EPM2A: variants seen among roughly 807,000 people sequenced by gnomAD.
The protein encoded by EPM2A is laforin.
A neutral mutation model predicts 26.5 loss-of-function variants in EPM2A; 21 were observed. The ratio of observed to expected loss-of-function variants is 0.79; its 90% CI spans 0.56 to 1.14. The LOEUF is 1.14. Ranked by LOEUF, EPM2A falls within the 50% of genes most tolerant of loss-of-function variation. The probability of loss-of-function intolerance (pLI) is 0.00; values close to 1 mark genes in which losing one functional copy is unlikely to be tolerated. For synonymous variants in EPM2A, 217 were observed against 177.6 expected (o/e 1.22, Z -1.76); for missense variants, 458 against 440.8 (o/e 1.04, Z -0.35).
intron 3 of EPM2A, 135 bp from the exon 4 acceptor site, chr6:145,627,828 TGCATTGTG>T: frequency 7.7e-7 from 1 of 1,304,508 alleles, no homozygotes; most frequent in Admixed American, 2.3e-5. Context: ...GCTTTCTTTC[TGCATTGTG>T]AAGGAAAAAG....
At chr6:145,485,186 A>G (rs1489077362) in intron 4 of EPM2A, among the ~76,000 whole-genome samples, 1 of 151,924 alleles carries the variant, frequency 6.6e-6, no homozygotes, top group Non-Finnish European at 1.5e-5. Context: ...TAAAATTGCA[A>G]TAGAAAAATG....
At chr6:145,399,705 G>T (rs1483419226) in intron 4 of EPM2A, among the ~76,000 whole-genome samples, 1 of 152,152 alleles carries the variant, frequency 6.6e-6, no homozygotes, top group Non-Finnish European at 1.5e-5. Context: ...CAAACAAGAA[G>T]GATTCTGTAC....
At chr6:145,470,738 C>A (rs963734679) in intron 4 of EPM2A, among the ~76,000 whole-genome samples, 26 of 152,126 alleles carry the variant, frequency 1.7e-4, no homozygotes, top group Non-Finnish European at 3.5e-4. Flanking sequence ...ACACTTTATG[C>A]ACAAAAGGAA....
At chr6:145,561,611 C>A (rs556354925) in intron 2 of EPM2A, among the ~76,000 whole-genome samples, 2 of 152,252 alleles carry the variant, frequency 1.3e-5, no homozygotes, top group East Asian at 3.9e-4. Flanking sequence ...CAACCCCTAA[C>A]AATAGGCCCA....
intron 2 of EPM2A, among the ~76,000 whole-genome samples, chr6:145,617,334 C>G (rs1357409632): frequency 1.3e-5 from 2 of 152,160 alleles, no homozygotes; most frequent in African/African-American, 4.8e-5. Flanking sequence ...AACTGTAAGT[C>G]CATTAAATCC....
intron 2 of EPM2A, among the ~76,000 whole-genome samples, chr6:145,506,303 A>G (rs1779973073): frequency 6.6e-6 from 1 of 152,182 alleles, no homozygotes. Flanking sequence ...TTTGCAAAGA[A>G]TTTGCAATAA....
At chr6:145,435,742 T>G (rs1234059804) in intron 4 of EPM2A, among the ~76,000 whole-genome samples, 1 of 152,130 alleles carries the variant, frequency 6.6e-6, no homozygotes, top group Non-Finnish European at 1.5e-5. Context: ...CACACAATTT[T>G]TTTTTGTATC....
At chr6:145,412,269 C>T (rs1014455522) in intron 4 of EPM2A, among the ~76,000 whole-genome samples, 3 of 150,118 alleles carry the variant, frequency 2.0e-5, no homozygotes, top group Admixed American at 1.3e-4. Flanking sequence ...CATACATACA[C>T]ATTTAGATTA....
At chr6:145,403,920 G>A (rs900154515) in intron 4 of EPM2A, among the ~76,000 whole-genome samples, 25 of 152,048 alleles carry the variant, frequency 1.6e-4, no homozygotes, top group African/African-American at 5.6e-4. Flanking sequence ...ATCCTTGTCA[G>A]CATTCATTAT....
At chr6:145,467,040 G>A (rs1173452644) in intron 4 of EPM2A, among the ~76,000 whole-genome samples, 1 of 152,120 alleles carries the variant, frequency 6.6e-6, no homozygotes, top group Non-Finnish European at 1.5e-5. Flanking sequence ...TATACCTAAT[G>A]CTAGATGACG....
At chr6:145,600,791 C>T (rs552643361) in intron 2 of EPM2A, among the ~76,000 whole-genome samples, 1 of 152,198 alleles carries the variant, frequency 6.6e-6, no homozygotes, top group African/African-American at 2.4e-5. Flanking sequence ...ATCCTGACAA[C>T]CTAGAGGGCC....
At chr6:145,685,130 C>T (rs1490337361) in intron 2 of EPM2A, among the ~76,000 whole-genome samples, 2 of 152,108 alleles carry the variant, frequency 1.3e-5, no homozygotes, top group Admixed American at 1.3e-4. Flanking sequence ...TTGGCAATTG[C>T]TTTCAAATTT....
At chr6:145,688,149 T>G (rs1170990455) in intron 1 of EPM2A, among the ~76,000 whole-genome samples, 2 of 152,182 alleles carry the variant, frequency 1.3e-5, no homozygotes, top group African/African-American at 4.8e-5. Context: ...ATTTGAAATA[T>G]TCTAAGCAGG....
intron 2 of EPM2A, among the ~76,000 whole-genome samples, chr6:145,507,857 AG>A (rs1429632386): frequency 2.0e-5 from 3 of 152,148 alleles, no homozygotes; most frequent in African/African-American, 7.2e-5. Context: ...ACTTACAGCC[AG>A]GGACAGCTTT....
At chr6:145,703,436 C>T (rs1433244684) in intron 1 of EPM2A, among the ~76,000 whole-genome samples, 1 of 152,030 alleles carries the variant, frequency 6.6e-6, no homozygotes, top group East Asian at 1.9e-4. Context: ...TTCCTGAAAA[C>T]AGCAAAGATT....
At chr6:145,413,696 C>T (rs1778672353) in intron 4 of EPM2A, among the ~76,000 whole-genome samples, 1 of 152,164 alleles carries the variant, frequency 6.6e-6, no homozygotes, top group South Asian at 2.1e-4. Context: ...TTGAGAATGT[C>T]TTTTCTTATA....
intron 1 of EPM2A, among the ~76,000 whole-genome samples, chr6:145,714,722 A>G (rs1562515361): frequency 6.6e-6 from 1 of 152,172 alleles, no homozygotes; most frequent in Non-Finnish European, 1.5e-5. Context: ...ACAGCAGGCA[A>G]AGAGAGAGAG....
At chr6:145,713,366 C>G (rs1775444359) in intron 1 of EPM2A, among the ~76,000 whole-genome samples, 1 of 152,034 alleles carries the variant, frequency 6.6e-6, no homozygotes, top group Non-Finnish European at 1.5e-5. Flanking sequence ...CAAATAAGCC[C>G]ACTGAAAATG....
intron 2 of EPM2A, among the ~76,000 whole-genome samples, chr6:145,644,212 T>C (rs942347258): frequency 6.6e-6 from 1 of 152,220 alleles, no homozygotes; most frequent in African/African-American, 2.4e-5. Flanking sequence ...TCTCTGTTGT[T>C]AATGCTAATA....
Sources: allele counts gnomAD v4.1 joint callset (sites outside exome capture counted in the v4.1 genomes callset), GRCh38; gene constraint gnomAD v4.1.1; transcripts MANE v1.5; gene names NCBI Gene and HGNC (gene_info 2026-07-23, HGNC 2026-07-21).